Variants in STMN2 observed in about 807,000 individuals in gnomAD.
The protein encoded by STMN2 is stathmin 2, also known as stathmin-2.
A neutral mutation model predicts 24.1 loss-of-function variants in STMN2; 2 were observed. The ratio of observed to expected loss-of-function variants is 0.08; its 90% CI spans 0.03 to 0.26. STMN2 has a LOEUF of 0.26. Among genes scored for constraint, STMN2 ranks in the 10% least tolerant of loss-of-function variants. The pLI, the probability that STMN2 is intolerant of heterozygous loss-of-function variation, is 1.00. For missense variants in STMN2, 114 were observed against 213.6 expected, an observed-to-expected ratio of 0.53 and a Z score of 2.91; for synonymous variants, 83 against 77.5, an observed-to-expected ratio of 1.07 and a Z score of -0.37.
At chr8:79,632,127 C>A (rs1809814895) in intron 1 of STMN2, among the ~76,000 whole-genome samples, 1 of 152,220 alleles carries the variant, frequency 6.6e-6, no homozygotes, top group Non-Finnish European at 1.5e-5. Flanking sequence ...GGGTCCATAG[C>A]TAGTGCCCCA....
At chr8:79,628,507 C>T (rs1405588500) in intron 1 of STMN2, among the ~76,000 whole-genome samples, 1 of 152,136 alleles carries the variant, frequency 6.6e-6, no homozygotes, top group African/African-American at 2.4e-5. Flanking sequence ...CATAATGGCT[C>T]TAGGAATTTA....
intron 4 of STMN2, among the ~76,000 whole-genome samples, chr8:79,656,890 T>C (rs1474450908): frequency 6.6e-6 from 1 of 152,044 alleles, no homozygotes; most frequent in Non-Finnish European, 1.5e-5. Flanking sequence ...GTTTGTTTTT[T>C]TGAGATAGAG....
chr8:79,623,659 G>T (rs1291172032), intron 1 of STMN2, among the ~76,000 whole-genome samples: 1 of 152,100 alleles, frequency 6.6e-6, no homozygotes, highest in African/African-American at 2.4e-5. Context: ...AATAAAATGT[G>T]TTTCTACTTT....
Position 79,664,932 on chromosome 8 carries a change from TG to T in STMN2, c.*60del. On this transcript the variant is annotated 3_prime_UTR_variant, in exon 5 of 5. Transcript: ENST00000220876. ...GTAAATCCCCCTGCCTATATTATAA[TG>T]GATCATGCGATATCAGGATGGGGAA... is the stretch of plus-strand genomic sequence containing the variant. 6.6e-7 allele frequency: 1 copy of T among 1,520,206 alleles called. No individual in the cohort carries two copies. The highest frequency in any genetic ancestry group is 1.2e-5 in the South Asian group (1 of 83,758). 94.2% of individuals were successfully genotyped at this position (1,520,206 alleles called of 1,614,324 possible). A position where few individuals can be genotyped will look rare whatever the true frequency, so the allele number is the denominator to read the frequency against.
At chr8:79,660,669 A>G (rs1159964271) in intron 4 of STMN2, among the ~76,000 whole-genome samples, 2 of 152,102 alleles carry the variant, frequency 1.3e-5, no homozygotes, top group East Asian at 1.9e-4. Flanking sequence ...GTAAATGTCA[A>G]TAGTCTTGGG....
At chr8:79,632,178 G>A (rs1809816635) in intron 1 of STMN2, among the ~76,000 whole-genome samples, 1 of 152,100 alleles carries the variant, frequency 6.6e-6, no homozygotes, top group African/African-American at 2.4e-5. Flanking sequence ...GAAATGACAG[G>A]GGTTTTTTTC....
At chr8:79,635,376 GC>G (rs1374015721) in intron 1 of STMN2, among the ~76,000 whole-genome samples, 2 of 152,136 alleles carry the variant, frequency 1.3e-5, no homozygotes, top group Non-Finnish European at 2.9e-5. Context: ...AAACAGAGCT[GC>G]CATTTGACCT....
intron 1 of STMN2, among the ~76,000 whole-genome samples, chr8:79,627,270 A>G (rs1393049486): frequency 1.3e-5 from 2 of 152,222 alleles, no homozygotes; most frequent in African/African-American, 4.8e-5. Context: ...TTGGTTTATC[A>G]GCAATTTATC....
At chr8:79,664,311 A>AAAG (rs772815221) in intron 4 of STMN2, among the ~76,000 whole-genome samples, 4 of 152,330 alleles carry the variant, frequency 2.6e-5, no homozygotes. Flanking sequence ...GTGTGTAGGA[A>AAAG]AAGATGGGGG....
At chr8:79,655,443 T>A (rs1054924281) in intron 4 of STMN2, among the ~76,000 whole-genome samples, 2 of 151,914 alleles carry the variant, frequency 1.3e-5, no homozygotes, top group African/African-American at 4.8e-5. Flanking sequence ...TTTGATTTAA[T>A]ATTTGTTTAA....
At chr8:79,635,201 G>C (rs577229982) in intron 1 of STMN2, among the ~76,000 whole-genome samples, 5 of 152,276 alleles carry the variant, frequency 3.3e-5, no homozygotes, top group African/African-American at 1.2e-4. Flanking sequence ...ATGGGGAAGG[G>C]GAGTGAAGGA....
chr8:79,620,033 A>T (rs1809474127), intron 1 of STMN2, among the ~76,000 whole-genome samples: 1 of 151,714 alleles, frequency 6.6e-6, no homozygotes, highest in African/African-American at 2.4e-5. Context: ...ATCCTTTTGA[A>T]TCTTCATATA....
chr8:79,616,326 TAAG>T (rs1809381897), intron 1 of STMN2, among the ~76,000 whole-genome samples: 1 of 152,246 alleles, frequency 6.6e-6, no homozygotes, highest in Non-Finnish European at 1.5e-5. Context: ...TTTAACGAAG[TAAG>T]AAGAAATATA....
intron 1 of STMN2, among the ~76,000 whole-genome samples, chr8:79,631,134 T>A (rs374438410): frequency 6.6e-6 from 1 of 152,302 alleles, no homozygotes; most frequent in African/African-American, 2.4e-5. Flanking sequence ...TAAGGTGAGG[T>A]ACCAGGTTAC....
intron 3 of STMN2, among the ~76,000 whole-genome samples, chr8:79,645,858 A>C (rs1810205958): frequency 1.3e-5 from 2 of 152,170 alleles, no homozygotes; most frequent in Non-Finnish European, 2.9e-5. Flanking sequence ...ATTAGTAAGT[A>C]ATTAGTATTT....
intron 4 of STMN2, among the ~76,000 whole-genome samples, chr8:79,661,810 C>A (rs568280941): frequency 1.3e-5 from 2 of 152,148 alleles, no homozygotes; most frequent in South Asian, 4.2e-4. Flanking sequence ...CTGCCCATGA[C>A]CCCTGATCAC....
At chr8:79,611,298 G>C in intron 1 of STMN2, 84 bp downstream of exon 1, 2 of 1,565,878 alleles carry the variant, frequency 1.3e-6, no homozygotes, top group Non-Finnish European at 1.8e-6. Flanking sequence ...AGCATTCAGA[G>C]ATATTTTATA....
intron 1 of STMN2, among the ~76,000 whole-genome samples, chr8:79,625,385 C>T: frequency 6.6e-6 from 1 of 152,106 alleles, no homozygotes; most frequent in Admixed American, 6.5e-5. Flanking sequence ...GGAGGATTAT[C>T]ATCCTCATTT....
chr8:79,620,422 A>C (rs1585874910), intron 1 of STMN2, among the ~76,000 whole-genome samples: 2 of 151,860 alleles, frequency 1.3e-5, no homozygotes, highest in East Asian at 3.9e-4. Flanking sequence ...AGTCAGTGTC[A>C]CTAACTAAAG....
Sources: gnomAD v4.1 joint callset for allele counts (sites outside exome capture counted in the v4.1 genomes callset) on GRCh38, gnomAD v4.1.1 for gene constraint, MANE v1.5 for transcripts, NCBI Gene and HGNC (gene_info 2026-07-23, HGNC 2026-07-21) for gene names.